TSC22D1: variants seen among roughly 807,000 people sequenced by gnomAD.
The protein encoded by TSC22D1 is TSC22 domain family protein 1.
In TSC22D1, 9 loss-of-function variants were observed where a neutral mutation model predicts 74.2. The observed-to-expected ratio is 0.12, with a 90% CI of 0.07 to 0.21. The LOEUF (loss-of-function observed/expected upper bound fraction) is 0.21, where lower values mean the gene tolerates loss of function less well. Ranked by LOEUF, TSC22D1 falls within the 10% of genes least tolerant of loss-of-function variation. The probability of loss-of-function intolerance (pLI) is 1.00; values close to 1 mark genes in which losing one functional copy is unlikely to be tolerated. For synonymous variants in TSC22D1, 586 were observed against 492.5 expected (o/e 1.19, Z -2.51); for missense variants, 1,427 against 1,304.7 (o/e 1.09, Z -1.44).
chr13:44,530,570 G>A (rs921255980), intron 1 of TSC22D1, among the ~76,000 whole-genome samples: 21 of 150,566 alleles, frequency 1.4e-4, no homozygotes, highest in African/African-American at 5.1e-4. Context: ...AATATTAAGA[G>A]AACGAGAAGA....
chr13:44,484,343 T>G (rs1186624921), intron 1 of TSC22D1, among the ~76,000 whole-genome samples: 1 of 152,202 alleles, frequency 6.6e-6, no homozygotes, highest in Non-Finnish European at 1.5e-5. Context: ...CCTTTAAGGC[T>G]ATGAAGAATA....
At chr13:44,535,424 A>G (rs1396349810) in intron 1 of TSC22D1, among the ~76,000 whole-genome samples, 1 of 152,096 alleles carries the variant, frequency 6.6e-6, no homozygotes, top group Non-Finnish European at 1.5e-5. Flanking sequence ...TTACTATGAA[A>G]TATTTTTAAA....
At chr13:44,497,867 T>C (rs1879042733) in intron 1 of TSC22D1, among the ~76,000 whole-genome samples, 2 of 152,102 alleles carry the variant, frequency 1.3e-5, no homozygotes, top group African/African-American at 4.8e-5. Flanking sequence ...AAAATGCAAA[T>C]CTAATCATAT....
rs2138838615 is a variant in TSC22D1 at position 44,434,193 on chromosome 13, C to T, written c.*433G>A. 3.4e-6 allele frequency: 5 copies of T among 1,461,940 alleles called. No homozygotes were observed. The highest frequency in any genetic ancestry group is 2.4e-4 in the Middle Eastern group (1 of 4,136). 90.6% of individuals were successfully genotyped at this position (1,461,940 alleles called of 1,614,324 possible). ...CTTTTTACCCTCCTTTCAAGTTCCT[C>T]CTGGGGGGAGGAGAGGAGAGAGGCG... is the stretch of plus-strand genomic sequence containing the variant. On this transcript the variant is annotated 3_prime_UTR_variant, in exon 3 of 3. Transcript: ENST00000458659.
At chr13:44,560,735 T>C (rs968984424) in intron 1 of TSC22D1, among the ~76,000 whole-genome samples, 4 of 152,232 alleles carry the variant, frequency 2.6e-5, no homozygotes, top group African/African-American at 7.2e-5. Context: ...TACTTGTCCA[T>C]AGCTCAGTCA....
At chr13:44,553,885 T>C (rs1882451028) in intron 1 of TSC22D1, among the ~76,000 whole-genome samples, 1 of 152,228 alleles carries the variant, frequency 6.6e-6, no homozygotes, top group South Asian at 2.1e-4. Context: ...TGGTGCTAGA[T>C]ATATGCCATT....
chr13:44,572,413 C>T (rs1159877844), intron 1 of TSC22D1, among the ~76,000 whole-genome samples: 2 of 152,110 alleles, frequency 1.3e-5, no homozygotes, highest in Non-Finnish European at 2.9e-5. Context: ...CTTATTTTCA[C>T]GCCTCTATAA....
At chr13:44,460,661 C>A (rs2138948421) in intron 1 of TSC22D1, among the ~76,000 whole-genome samples, 1 of 152,296 alleles carries the variant, frequency 6.6e-6, no homozygotes, top group Middle Eastern at 3.4e-3. Context: ...TGGAGGGAGG[C>A]CCCATCCGCT....
chr13:44,454,628 G>T (rs111602274), intron 1 of TSC22D1, among the ~76,000 whole-genome samples: 2 of 152,156 alleles, frequency 1.3e-5, no homozygotes, highest in Admixed American at 1.3e-4. Context: ...GACAAAGGCA[G>T]AAGTTTTGTT....
chr13:44,522,558 C>T (rs75481876), intron 1 of TSC22D1, among the ~76,000 whole-genome samples: 1 of 152,238 alleles, frequency 6.6e-6, no homozygotes, highest in East Asian at 1.9e-4. Context: ...AGAGGTAAAT[C>T]TGATCTTTGG....
At chr13:44,525,538 A>T (rs989742458) in intron 1 of TSC22D1, among the ~76,000 whole-genome samples, 3 of 152,162 alleles carry the variant, frequency 2.0e-5, no homozygotes, top group Admixed American at 1.3e-4. Flanking sequence ...GCAGTAAGCC[A>T]TGATCGTGCC....
rs1874361744 is a variant in TSC22D1, at chr13:44,434,589, TCA to T, written c.*35_*36del. ...AGCACATCTTCTCCGTCTGTTCAGT[TCA>T]CACGCAGCAGCCAGTTCTGCGGGGG... On this transcript the variant is annotated 3_prime_UTR_variant, in exon 3 of 3. Transcript: ENST00000458659. The T allele has an allele frequency of 3.3e-6, 5 of 1,511,626 alleles. No homozygotes were observed. The East Asian group carries it at 1.1e-4, about 35-fold the overall frequency. The allele number at this position is 1,511,626 out of a possible 1,614,324, so 93.6% of individuals were successfully genotyped here.
intron 1 of TSC22D1, among the ~76,000 whole-genome samples, chr13:44,547,400 G>C (rs1228655331): frequency 6.6e-6 from 1 of 151,890 alleles, no homozygotes; most frequent in Non-Finnish European, 1.5e-5. Flanking sequence ...AGATCAAAAG[G>C]GAAAATCTTT....
chr13:44,506,114 T>C (rs984764419), intron 1 of TSC22D1, among the ~76,000 whole-genome samples: 4 of 152,134 alleles, frequency 2.6e-5, no homozygotes, highest in African/African-American at 2.4e-5. Context: ...TCTCAAGCAC[T>C]GATGAAGGTA....
In TSC22D1 at chr13:44,576,077, T is replaced by C. The variant is rs1157979464; in HGVS notation, c.-3A>G. On this transcript the variant is annotated 5_prime_UTR_variant, in exon 1 of 3. Coordinates refer to ENST00000458659, the MANE Select transcript of TSC22D1 (RefSeq NM_183422.4). ...GTGGACTCAGGCGGCTGGTGCATTG[T>C]GTTGGGTACCGGGGGCGCGGAGGAG... 1 of 1,541,740 alleles carries C rather than the reference T, an allele frequency of 6.5e-7. No individual in the cohort carries two copies. The highest frequency in any genetic ancestry group is 1.2e-5 in the South Asian group (1 of 83,750).
intron 1 of TSC22D1, among the ~76,000 whole-genome samples, chr13:44,499,088 ACAATT>A (rs1879107461): frequency 1.3e-5 from 2 of 152,248 alleles, no homozygotes; most frequent in East Asian, 3.8e-4. Context: ...CACTGGAAAT[ACAATT>A]CAATTTCAGT....
At chr13:44,436,794 G>C in intron 1 of TSC22D1, 1 of 1,433,948 alleles carries the variant, frequency 7.0e-7, no homozygotes. Context: ...CCAGGCAGAT[G>C]CGGATCCCAG....
intron 1 of TSC22D1, chr13:44,537,184 ATAGTT>A: frequency 1.1e-6 from 1 of 871,864 alleles, no homozygotes; most frequent in East Asian, 1.2e-4. Context: ...CTAGAAAAAA[ATAGTT>A]TATATTAATA....
chr13:44,557,581 C>T (rs1455515348), intron 1 of TSC22D1, among the ~76,000 whole-genome samples: 2 of 152,062 alleles, frequency 1.3e-5, no homozygotes, highest in Admixed American at 1.3e-4. Flanking sequence ...TTATACTTCC[C>T]CAAGTGAGTT....
Sources: allele counts gnomAD v4.1 joint callset (sites outside exome capture counted in the v4.1 genomes callset), GRCh38; gene constraint gnomAD v4.1.1; transcripts MANE v1.5; gene names NCBI Gene and HGNC (gene_info 2026-07-23, HGNC 2026-07-21).